The following ASH2L variants were observed in gnomAD, a reference collection of about 807,000 sequenced individuals.
The protein encoded by ASH2L is set1/Ash2 histone methyltransferase complex subunit ASH2.
A neutral mutation model predicts 81.1 loss-of-function variants in ASH2L; 30 were observed. The ratio of observed to expected loss-of-function variants is 0.37; its 90% CI spans 0.28 to 0.50. The LOEUF is 0.50. ASH2L is among the 20% of genes least tolerant of loss of function. The pLI, the probability that ASH2L is intolerant of heterozygous loss-of-function variation, is 0.95. For missense variants in ASH2L, 559 were observed against 792.1 expected (o/e 0.71, Z 3.53); for synonymous variants, 273 against 279.9 (o/e 0.98, Z 0.24).
chr8:38,119,197 C>A, intron 8 of ASH2L, 73 bp from the exon 9 acceptor site: 2 of 1,341,284 alleles, frequency 1.5e-6, no homozygotes, highest in South Asian at 1.3e-5. Flanking sequence ...GTGTGTTGGT[C>A]CCTATGGAAT....
intron 10 of ASH2L, among the ~76,000 whole-genome samples, chr8:38,125,556 C>T (rs79142136): frequency 6.6e-6 from 1 of 151,016 alleles, no homozygotes; most frequent in Non-Finnish European, 1.5e-5. Flanking sequence ...TGCAGTGAGC[C>T]GAGATCGCGC....
At chr8:38,128,496 G>A (rs1418525135) in intron 11 of ASH2L, 38 bp downstream of exon 11, 3 of 1,604,786 alleles carry the variant, frequency 1.9e-6, no homozygotes, top group Non-Finnish European at 2.5e-6. Flanking sequence ...ACAGCAGATA[G>A]AGAGGATAGA....
Position 38,139,233 on chromosome 8 carries a change from T to C in ASH2L, c.*162T>C, listed in dbSNP as rs1335209234. On this transcript the variant is annotated 3_prime_UTR_variant, in exon 16 of 16. Transcript: ENST00000343823. ...AGGACTGCGGGAGACTGCCTGCCTT[T>C]CACCATTTTCTCCCCACTTCCAGTG... is the stretch of plus-strand genomic sequence containing the variant. The C allele has an allele frequency of 3.5e-6, 2 of 578,680 alleles. No homozygotes were observed. The highest frequency in any genetic ancestry group is 2.8e-5 in the East Asian group (1 of 35,370). 35.8% of individuals were successfully genotyped at this position (578,680 alleles called of 1,614,324 possible).
chr8:38,107,824 G>A (rs79517596), intron 3 of ASH2L, among the ~76,000 whole-genome samples: 4 of 151,624 alleles, frequency 2.6e-5, no homozygotes, highest in Admixed American at 2.0e-4. Context: ...CTGCATTATC[G>A]TGAAATTAAT....
chr8:38,126,853 C>CAAAAAAAA lies in ASH2L; in HGVS notation c.1166-1432_1166-1431insAAAAAAAA. On this transcript the variant is annotated intron_variant, in intron 10 of 15. Transcript: ENST00000343823. ...TGGGCAAAAGAGCGAGACTCTGTCT[C>CAAAAAAAA]AAAAAAGAAAGAAAGTTTGAAATTG... 1.4e-4 allele frequency among the ~76,000 whole-genome samples: 18 copies of CAAAAAAAA among 129,766 alleles called. 2 individuals are homozygous for CAAAAAAAA. Among genetic ancestry groups the CAAAAAAAA allele is most frequent in the Admixed American group, 1.6e-4 (2 of 12,702 alleles). The allele number at this position is 129,766 out of a possible 152,430, so 85.1% of individuals were successfully genotyped here. A position where few individuals can be genotyped will look rare whatever the true frequency, so the allele number is the denominator to read the frequency against.
In ASH2L at chr8:38,121,157, A is replaced by G. The variant is rs1483059755; in HGVS notation, c.1165+8A>G. 1 of 1,610,718 alleles carries G rather than the reference A, an allele frequency of 6.2e-7. No individual in the cohort carries two copies. Among genetic ancestry groups the G allele is most frequent in the Non-Finnish European group, 8.5e-7 (1 of 1,178,146 alleles). ...TAGCCCTACATGATCGAGGTATGTA[A>G]AGTATTGGAGATCATATGGATGCAG... On this transcript the variant is annotated splice_region_variant and intron_variant, in intron 10 of 15. Coordinates refer to ENST00000343823, the MANE Select transcript of ASH2L (RefSeq NM_004674.5).
chr8:38,109,132 A>G lies in ASH2L; in HGVS notation c.402-1247A>G, dbSNP rs144378563. On this transcript the variant is annotated intron_variant, in intron 3 of 15. Transcript: ENST00000343823. ...TTAGGTGGGATGGATTATCTTTTAC[A>G]ACTGAGATAGAGAATGTGAGCTAGC... Among the ~76,000 whole-genome samples the G allele has an allele frequency of 2.6e-5, 4 of 152,342 alleles. No individual in the cohort carries two copies. In the East Asian group the frequency reaches 7.7e-4, roughly 29 times the overall value.
intron 8 of ASH2L, chr8:38,117,580 A>C: frequency 1.7e-6 from 1 of 583,258 alleles, no homozygotes; most frequent in Non-Finnish European, 2.2e-6. Context: ...AATTTGAAGC[A>C]TTATGAAAAT....
chr8:38,135,945 G>C (rs1802233047), intron 14 of ASH2L, among the ~76,000 whole-genome samples, 179 bp downstream of exon 14: 1 of 152,040 alleles, frequency 6.6e-6, no homozygotes, highest in South Asian at 2.1e-4. Context: ...AGTATTTGCT[G>C]GATAGAAAAA....
At chr8:38,108,066 T>C (rs1810526843) in intron 3 of ASH2L, among the ~76,000 whole-genome samples, 1 of 152,272 alleles carries the variant, frequency 6.6e-6, no homozygotes, top group East Asian at 1.9e-4. Flanking sequence ...TTCCAAAGTG[T>C]TGGGATTACT....
Position 38,138,954 on chromosome 8 carries a change from C to T in ASH2L, c.1780-10C>T. 5.6e-6 allele frequency: 9 copies of T among 1,613,666 alleles called. No individual in the cohort carries two copies. The highest frequency in any genetic ancestry group is 6.8e-6 in the Non-Finnish European group (8 of 1,179,640). On this transcript the variant is annotated splice_polypyrimidine_tract_variant and intron_variant, in intron 15 of 15. Transcript: ENST00000343823. ...TAGTCACCGTGTTCTGTTTCTCATT[C>T]CTCCTGCAGATGAGTGACATGGGCT...
At chr8:38,110,254 G>A (rs1367171661) in intron 3 of ASH2L, 125 bp from the exon 4 acceptor site, 10 of 727,244 alleles carry the variant, frequency 1.4e-5, no homozygotes, top group South Asian at 4.9e-5. Context: ...CAAGTCTGCA[G>A]TGAGCTATGA....
At chr8:38,128,527 G>C in intron 11 of ASH2L, 69 bp downstream of exon 11, 13 of 1,558,774 alleles carry the variant, frequency 8.3e-6, no homozygotes, top group Non-Finnish European at 1.1e-5. Flanking sequence ...AAGGGCTAAG[G>C]CTTCAAGGCT....
intron 2 of ASH2L, 60 bp downstream of exon 2, chr8:38,106,504 T>TTA: frequency 7.3e-6 from 10 of 1,372,592 alleles, no homozygotes; most frequent in South Asian, 2.6e-5. Flanking sequence ...TTTCTTCTTC[T>TTA]TCTTTTTTTT....
chr8:38,106,593 C>T (rs529105611), intron 2 of ASH2L, 149 bp downstream of exon 2: 2 of 646,334 alleles, frequency 3.1e-6, no homozygotes, highest in East Asian at 2.8e-5. Flanking sequence ...CTGCAACCTC[C>T]TCCCCCCGGG....
At chr8:38,119,167 G>A (rs748314400) in intron 8 of ASH2L, 103 bp from the exon 9 acceptor site, 15 of 1,015,818 alleles carry the variant, frequency 1.5e-5, no homozygotes, top group Non-Finnish European at 2.2e-5. Flanking sequence ...CTCCTGTGGT[G>A]TTACACAAAT....
At chr8:38,119,181 C>T in intron 8 of ASH2L, 89 bp from the exon 9 acceptor site, 1 of 1,149,308 alleles carries the variant, frequency 8.7e-7, no homozygotes, top group Non-Finnish European at 1.3e-6. Flanking sequence ...CACAAATGCA[C>T]ATTGGGTGTG....
chr8:38,125,589 C>G (rs1801811944), intron 10 of ASH2L, among the ~76,000 whole-genome samples: 1 of 140,430 alleles, frequency 7.1e-6, no homozygotes, highest in Admixed American at 7.5e-5. Context: ...GCCTGGGCGA[C>G]AAGAGTGAAA....
chr8:38,112,479 T>C (rs1356603309), intron 5 of ASH2L, among the ~76,000 whole-genome samples: 2 of 152,094 alleles, frequency 1.3e-5, no homozygotes, highest in Non-Finnish European at 2.9e-5. Context: ...CCCAAGCTGA[T>C]CTTACACTCC....
Sources: gnomAD v4.1 joint callset for allele counts (sites outside exome capture counted in the v4.1 genomes callset) on GRCh38, gnomAD v4.1.1 for gene constraint, MANE v1.5 for transcripts, NCBI Gene and HGNC (gene_info 2026-07-23, HGNC 2026-07-21) for gene names.